Variants in SOX5 observed in about 807,000 individuals in gnomAD.
SOX5 encodes transcription factor SOX-5.
SOX5 carries 9 observed loss-of-function variants against 92.0 expected under a neutral mutation model. The observed-to-expected ratio is 0.10, with a 90% CI of 0.06 to 0.17. SOX5 has a LOEUF of 0.17. Ranked by LOEUF, SOX5 falls within the 10% of genes least tolerant of loss-of-function variation. SOX5 has a pLI of 1.00. For synonymous variants in SOX5, 344 were observed against 336.3 expected (o/e 1.02, Z -0.25); for missense variants, 642 against 944.5 (o/e 0.68, Z 4.20).
intron 2 of SOX5, among the ~76,000 whole-genome samples, chr12:24,286,983 G>T (rs183180576): frequency 7.1e-4 from 108 of 152,288 alleles, no homozygotes; most frequent in Non-Finnish European, 1.1e-3. Context: ...AGAACCATCT[G>T]TCAGAGGTCT....
intron 10 of SOX5, among the ~76,000 whole-genome samples, chr12:23,565,967 C>G (rs191824117): frequency 1.3e-5 from 2 of 152,190 alleles, no homozygotes; most frequent in African/African-American, 4.8e-5. Flanking sequence ...CTCTCACCTT[C>G]CTGACCCTAC....
chr12:23,701,404 G>T (rs1020106188), intron 6 of SOX5, among the ~76,000 whole-genome samples: 4 of 151,672 alleles, frequency 2.6e-5, no homozygotes, highest in African/African-American at 9.7e-5. Flanking sequence ...GCTAGATTTT[G>T]TTATTTTTAG....
At chr12:24,386,007 TTAC>T (rs1372784757) in intron 1 of SOX5, among the ~76,000 whole-genome samples, 3 of 151,872 alleles carry the variant, frequency 2.0e-5, no homozygotes, top group Admixed American at 1.3e-4. Context: ...TTTAAAATCT[TTAC>T]TAACTACAGT....
At chr12:23,912,481 C>A (rs1410546268) in intron 1 of SOX5, among the ~76,000 whole-genome samples, 1 of 152,164 alleles carries the variant, frequency 6.6e-6, no homozygotes, top group African/African-American at 2.4e-5. Context: ...AATTCCCCTC[C>A]TTGGTAAATA....
At position 23,530,284 on chromosome 12, in the gene SOX5, A is replaced by AT; in HGVS notation, c.*3934dup. On this transcript the variant is annotated 3_prime_UTR_variant, in exon 15 of 15. Coordinates refer to ENST00000451604, the MANE Select transcript of SOX5 (RefSeq NM_006940.6). ...CATTAGAATGAGTGAAAGTGTAATT[A>AT]TTTTTTATGTTTTAAATGTGATATA... 1 of 152,334 alleles carries AT rather than the reference A, an allele frequency of 6.6e-6. No homozygotes were observed. Among genetic ancestry groups the AT allele is most frequent in the East Asian group, 1.9e-4 (1 of 5,188 alleles). 9.4% of individuals were successfully genotyped at this position (152,334 alleles called of 1,614,324 possible). A position where few individuals can be genotyped will look rare whatever the true frequency, so the allele number is the denominator to read the frequency against.
At chr12:23,818,133 T>C (rs764268599) in intron 3 of SOX5, among the ~76,000 whole-genome samples, 15 of 152,202 alleles carry the variant, frequency 9.9e-5, no homozygotes, top group Non-Finnish European at 1.8e-4. Flanking sequence ...TCCTGATCTG[T>C]GTACAGTCAT....
chr12:24,528,028 C>G (rs1016622965), intron 1 of SOX5, among the ~76,000 whole-genome samples: 1 of 152,206 alleles, frequency 6.6e-6, no homozygotes, highest in African/African-American at 2.4e-5. Context: ...CTGTCTTCAT[C>G]ACACACTTCC....
At chr12:23,666,109 T>G (rs1320616619) in intron 6 of SOX5, among the ~76,000 whole-genome samples, 2 of 151,174 alleles carry the variant, frequency 1.3e-5, no homozygotes, top group Non-Finnish European at 2.9e-5. Context: ...AGCTAAAACT[T>G]TACTCTTTTT....
intron 3 of SOX5, chr12:24,213,419 T>TAAAAAAAAAGAA (rs1958855337): frequency 1.0e-5 from 1 of 96,864 alleles, no homozygotes; most frequent in African/African-American, 4.0e-5. Context: ...CTTGAAATGC[T>TAAAAAAAAAGAA]AAAAAAAAAA....
chr12:24,469,733 T>C (rs1176655466), intron 1 of SOX5, among the ~76,000 whole-genome samples: 3 of 152,226 alleles, frequency 2.0e-5, no homozygotes, highest in Non-Finnish European at 4.4e-5. Context: ...CGAAAAACTA[T>C]ACTAAGCTTT....
intron 2 of SOX5, among the ~76,000 whole-genome samples, chr12:24,344,423 GAAC>G (rs1952971759): frequency 6.6e-6 from 1 of 151,978 alleles, no homozygotes; most frequent in African/African-American, 2.4e-5. Context: ...ACACAGATGG[GAAC>G]AACGTCGGGG....
At chr12:24,339,941 T>C (rs1565939345) in intron 2 of SOX5, among the ~76,000 whole-genome samples, 1 of 152,210 alleles carries the variant, frequency 6.6e-6, no homozygotes, top group Non-Finnish European at 1.5e-5. Flanking sequence ...CTGTAGCCAA[T>C]ACCCAGCATC....
rs554849496 is a variant in SOX5 at position 24,046,282 on chromosome 12, G to T, written c.-1-150258C>A. Among the ~76,000 whole-genome samples, 12 of 152,184 alleles carry T rather than the reference G, an allele frequency of 7.9e-5. No homozygotes were observed. In the South Asian group the frequency reaches 2.3e-3, roughly 29 times the overall value. ...TGATGTAAAAGCGAAACTTGGGGCG[G>T]GTCTAAATTTTCTGGTGAACTCGAA... is the stretch of plus-strand genomic sequence containing the variant. On this transcript the variant is annotated intron_variant, in intron 4 of 4. Transcript: ENST00000446891.
intron 4 of SOX5, among the ~76,000 whole-genome samples, chr12:23,975,392 T>C (rs1285449866): frequency 6.6e-6 from 1 of 152,218 alleles, no homozygotes; most frequent in African/African-American, 2.4e-5. Context: ...TACAAAATCA[T>C]TGAATAGGGT....
chr12:23,762,194 G>A (rs769383512), intron 3 of SOX5, among the ~76,000 whole-genome samples: 5 of 152,072 alleles, frequency 3.3e-5, no homozygotes, highest in Non-Finnish European at 7.4e-5. Flanking sequence ...CCTTAGTCAA[G>A]TATTACAGCT....
At chr12:23,745,940 GA>G (rs2093968421) in intron 4 of SOX5, among the ~76,000 whole-genome samples, 1 of 152,108 alleles carries the variant, frequency 6.6e-6, no homozygotes, top group Admixed American at 6.6e-5. Flanking sequence ...ATTGCATATA[GA>G]AAATCATCTA....
upstream of SOX5, among the ~76,000 whole-genome samples, chr12:23,949,892 C>A (rs574614386): frequency 5.9e-4 from 89 of 151,464 alleles, no homozygotes; most frequent in African/African-American, 1.9e-3. Flanking sequence ...GCTGCTCCCC[C>A]CTCCGCGGAG....
intron 8 of SOX5, among the ~76,000 whole-genome samples, chr12:23,619,867 TC>T (rs1158579666): frequency 6.6e-6 from 1 of 152,190 alleles, no homozygotes; most frequent in Non-Finnish European, 1.5e-5. Flanking sequence ...CTTCTTATTA[TC>T]TTTTATCATT....
intron 2 of SOX5, among the ~76,000 whole-genome samples, chr12:24,360,539 G>C: frequency 6.6e-6 from 1 of 152,170 alleles, no homozygotes; most frequent in Non-Finnish European, 1.5e-5. Context: ...GATAGGAAAA[G>C]GAGAGCTAGA....
Sources: allele counts gnomAD v4.1 joint callset (sites outside exome capture counted in the v4.1 genomes callset), GRCh38; gene constraint gnomAD v4.1.1; transcripts MANE v1.5; gene names NCBI Gene and HGNC (gene_info 2026-07-23, HGNC 2026-07-21).